Variants in LGSN observed in about 807,000 individuals in gnomAD.
LGSN encodes lengsin.
A neutral mutation model predicts 19.5 loss-of-function variants in LGSN; 21 were observed. The observed-to-expected ratio is 1.07, with a 90% CI of 0.76 to 1.55. The LOEUF is 1.55. Ranked by LOEUF, LGSN falls within the 40% of genes most tolerant of loss-of-function variation. LGSN has a pLI of 0.00. For synonymous variants in LGSN, 257 were observed against 215.6 expected (o/e 1.19, Z -1.68); for missense variants, 673 against 608.5 (o/e 1.11, Z -1.12).
At chr6:63,281,304 A>ATATATAT in intron 3 of LGSN, 84 bp from the exon 4 acceptor site, 2 of 135,800 alleles carry the variant, frequency 1.5e-5, no homozygotes, top group South Asian at 1.6e-4. Flanking sequence ...TGCTAATGAA[A>ATATATAT]ATATATATAT....
At chr6:63,445,796 T>TG in the LGSN span, among the ~76,000 whole-genome samples, 1 of 152,156 alleles carries the variant, frequency 6.6e-6, no homozygotes, top group African/African-American at 2.4e-5. Context: ...CTGCCAACTG[T>TG]GTTCTTCTTT....
At chr6:63,512,905 T>C in the LGSN span, among the ~76,000 whole-genome samples, 1 of 152,220 alleles carries the variant, frequency 6.6e-6, no homozygotes. Flanking sequence ...TTATTACACG[T>C]TGGGCACTGT....
chr6:63,429,061 T>C, the LGSN span, among the ~76,000 whole-genome samples: 1 of 152,122 alleles, frequency 6.6e-6, no homozygotes, highest in Non-Finnish European at 1.5e-5. Context: ...AACCAAGTCT[T>C]TGCTAGACAT....
rs77312939 is a variant in LGSN at position 63,292,121 on chromosome 6, T to C, written c.163+2792A>G. 2.8e-3 allele frequency among the ~76,000 whole-genome samples: 432 copies of C among 152,278 alleles called. 1 individual carries two copies. Among genetic ancestry groups the C allele is most frequent in the Middle Eastern group, 0.014 (4 of 294 alleles). On this transcript the variant is annotated intron_variant, in intron 2 of 3. Coordinates refer to ENST00000370657, the MANE Select transcript of LGSN (RefSeq NM_016571.3). ...CCTCACTTCTACAGTCACAAAGAAC[T>C]GGATTCTCTCAACAATCTGAATGAA...
At chr6:63,503,114 T>C in the LGSN span, among the ~76,000 whole-genome samples, 8 of 152,186 alleles carry the variant, frequency 5.3e-5, no homozygotes, top group Non-Finnish European at 1.2e-4. Context: ...ATTGTATTCA[T>C]CATGAGTAAA....
At chr6:63,546,181 A>G in the LGSN span, among the ~76,000 whole-genome samples, 2 of 152,220 alleles carry the variant, frequency 1.3e-5, no homozygotes, top group African/African-American at 4.8e-5. Context: ...CAGTATATAC[A>G]CACACAGGAA....
At chr6:63,529,165 A>ATATATATATATATGTATATATATGTGTG in the LGSN span, among the ~76,000 whole-genome samples, 40 of 43,506 alleles carry the variant, frequency 9.2e-4, 1 homozygote, top group African/African-American at 2.7e-3. Flanking sequence ...ATATGTGTGT[A>ATATATATATATATGTATATATATGTGTG]TATATATATA....
the LGSN span, among the ~76,000 whole-genome samples, chr6:63,405,592 C>T: frequency 6.6e-6 from 1 of 152,246 alleles, no homozygotes; most frequent in South Asian, 2.1e-4. Flanking sequence ...TTTTTGGCTG[C>T]ATAAATGTCT....
chr6:63,480,084 C>T, the LGSN span: 1 of 167,776 alleles, frequency 6.0e-6, no homozygotes, highest in South Asian at 1.6e-4. Context: ...CATTCACAAC[C>T]TGTGTTCCTT....
At chr6:63,416,573 G>A in the LGSN span, among the ~76,000 whole-genome samples, 5 of 151,892 alleles carry the variant, frequency 3.3e-5, no homozygotes, top group Non-Finnish European at 7.4e-5. Flanking sequence ...TTTTTTTGTT[G>A]TTGTTGTTTT....
intron 2 of LGSN, among the ~76,000 whole-genome samples, chr6:63,287,758 T>C (rs1305430759): frequency 2.6e-5 from 4 of 152,002 alleles, no homozygotes; most frequent in Admixed American, 6.6e-5. Context: ...ATTCTAAACA[T>C]AATAAGCAAT....
the LGSN span, among the ~76,000 whole-genome samples, chr6:63,540,638 GAAAAGAA>G: frequency 2.0e-5 from 3 of 150,404 alleles, no homozygotes; most frequent in Admixed American, 1.3e-4. Flanking sequence ...AATGAAAAAA[GAAAAGAA>G]AAAAGAAAAA....
chr6:63,425,643 A>T, the LGSN span, among the ~76,000 whole-genome samples: 1 of 152,192 alleles, frequency 6.6e-6, no homozygotes, highest in African/African-American at 2.4e-5. Flanking sequence ...AAGTAGGTAT[A>T]CATAAAAGGC....
the LGSN span, among the ~76,000 whole-genome samples, chr6:63,403,398 T>C: frequency 2.0e-5 from 3 of 151,870 alleles, no homozygotes; most frequent in African/African-American, 7.3e-5. Context: ...AAAAACAGAA[T>C]TTAGGGGGAA....
At chr6:63,369,587 G>A in the LGSN span, among the ~76,000 whole-genome samples, 1 of 152,186 alleles carries the variant, frequency 6.6e-6, no homozygotes, top group Non-Finnish European at 1.5e-5. Context: ...TCCCCGTGCA[G>A]GTAGGTGGAG....
the LGSN span, among the ~76,000 whole-genome samples, chr6:63,431,398 G>C: frequency 6.6e-6 from 1 of 152,216 alleles, no homozygotes; most frequent in Non-Finnish European, 1.5e-5. Flanking sequence ...CTGATCCCCA[G>C]ATGTTGACAT....
chr6:63,379,859 T>C, the LGSN span, among the ~76,000 whole-genome samples: 2 of 152,034 alleles, frequency 1.3e-5, no homozygotes, highest in African/African-American at 2.4e-5. Context: ...TTTTTTGCGA[T>C]GGAGTCTTGG....
chr6:63,416,783 G>A, the LGSN span, among the ~76,000 whole-genome samples: 1 of 151,898 alleles, frequency 6.6e-6, no homozygotes, highest in Non-Finnish European at 1.5e-5. Flanking sequence ...GGCCAAGCTG[G>A]TCTTGAATTC....
the LGSN span, among the ~76,000 whole-genome samples, chr6:63,349,599 C>T: frequency 3.3e-5 from 5 of 152,220 alleles, no homozygotes; most frequent in Non-Finnish European, 5.9e-5. Context: ...GATTGCAATT[C>T]GACAAGGGAG....
Sources: gnomAD v4.1 joint callset for allele counts (sites outside exome capture counted in the v4.1 genomes callset) on GRCh38, gnomAD v4.1.1 for gene constraint, MANE v1.5 for transcripts, NCBI Gene and HGNC (gene_info 2026-07-23, HGNC 2026-07-21) for gene names.